Variants in ANKRD12 observed in about 807,000 individuals in gnomAD.
ANKRD12 encodes ankyrin repeat domain-containing protein 12.
A neutral mutation model predicts 183.4 loss-of-function variants in ANKRD12; 85 were observed. The ratio of observed to expected loss-of-function variants is 0.46; its 90% CI spans 0.39 to 0.56. The LOEUF is 0.56. Among genes scored for constraint, ANKRD12 ranks in the 20% least tolerant of loss-of-function variants. The probability of loss-of-function intolerance (pLI) is 0.00; values close to 1 mark genes in which losing one functional copy is unlikely to be tolerated. For synonymous variants in ANKRD12, 914 were observed against 800.2 expected, an observed-to-expected ratio of 1.14 and a Z score of -2.40; for missense variants, 2,405 against 2,357.1, an observed-to-expected ratio of 1.02 and a Z score of -0.42.
chr18:9,285,894 T>G lies in ANKRD12; in HGVS notation c.*4768T>G, dbSNP rs1074347. 80,100 of 152,080 alleles carry G rather than the reference T, an allele frequency of 0.53. 22,346 individuals carry two copies. The highest frequency in any genetic ancestry group is 0.72 in the South Asian group (3,495 of 4,834). 9.4% of individuals were successfully genotyped at this position (152,080 alleles called of 1,614,324 possible). A position where few individuals can be genotyped will look rare whatever the true frequency, so the allele number is the denominator to read the frequency against. On this transcript the variant is annotated 3_prime_UTR_variant, in exon 13 of 13. Coordinates refer to ENST00000262126, the MANE Select transcript of ANKRD12 (RefSeq NM_015208.5). ...TAATTTATTAATGAGTAGTAGTGTA[T>G]TGTACAAATTTGTTTATTCGTTCTC...
chr18:9,138,261 C>G (rs1246867954), intron 1 of ANKRD12, among the ~76,000 whole-genome samples: 2 of 152,152 alleles, frequency 1.3e-5, no homozygotes, highest in African/African-American at 2.4e-5. Context: ...GCCTATAATC[C>G]CAGCACTTTG....
intron 6 of ANKRD12, among the ~76,000 whole-genome samples, chr18:9,215,631 C>T (rs1437469342): frequency 1.3e-5 from 2 of 151,964 alleles, no homozygotes; most frequent in Non-Finnish European, 2.9e-5. Context: ...AAGAGAACTC[C>T]GATAGAATGT....
At chr18:9,249,891 T>C (rs555734531) in intron 8 of ANKRD12, 4 of 152,338 alleles carry the variant, frequency 2.6e-5, no homozygotes, top group South Asian at 2.1e-4. Context: ...TCCACTATTA[T>C]GGCTAATGTG....
chr18:9,211,449 G>A (rs2035799368), intron 5 of ANKRD12, 135 bp from the exon 6 acceptor site: 1 of 734,746 alleles, frequency 1.4e-6, no homozygotes, highest in Admixed American at 2.8e-5. Flanking sequence ...GATCATCCAA[G>A]TCAAGGTTTA....
chr18:9,243,158 A>G (rs2037757633), intron 8 of ANKRD12, among the ~76,000 whole-genome samples: 1 of 152,252 alleles, frequency 6.6e-6, no homozygotes. Flanking sequence ...AATAACAGTT[A>G]CATGTACATA....
rs142902772 is a variant in ANKRD12 at position 9,202,935 on chromosome 18, G to A, written c.236-1541G>A. Among the ~76,000 whole-genome samples, 563 of 152,174 alleles carry A rather than the reference G, an allele frequency of 3.7e-3. 5 individuals carry two copies. The highest frequency in any genetic ancestry group is 0.013 in the African/African-American group (542 of 41,522). Reference sequence around the variant, plus strand: ...TTCCAAAGGATGATTTGGATAAACTGGTAAACTACATTAATATAATTGAAA... The same window carrying A: ...TTCCAAAGGATGATTTGGATAAACTAGTAAACTACATTAATATAATTGAAA... On this transcript the variant is annotated intron_variant, in intron 3 of 12. Transcript: ENST00000262126.
intron 8 of ANKRD12, 75 bp downstream of exon 8, chr18:9,222,074 A>G: frequency 6.5e-7 from 1 of 1,531,510 alleles, no homozygotes; most frequent in Non-Finnish European, 8.9e-7. Context: ...TTCATTTGTA[A>G]TATACAAAAT....
chr18:9,152,981 T>C (rs539565111), intron 1 of ANKRD12, among the ~76,000 whole-genome samples: 116 of 152,262 alleles, frequency 7.6e-4, no homozygotes, highest in African/African-American at 2.7e-3. Context: ...TGTTACATAA[T>C]GTCCTCATGT....
intron 3 of ANKRD12, among the ~76,000 whole-genome samples, chr18:9,201,827 CTTT>C (rs200051164): frequency 7.1e-6 from 1 of 141,760 alleles, no homozygotes. Flanking sequence ...GTTTTTTTCG[CTTT>C]TTTTTTTTTT....
chr18:9,199,106 A>C (rs569721601), intron 3 of ANKRD12, among the ~76,000 whole-genome samples: 2 of 152,134 alleles, frequency 1.3e-5, no homozygotes, highest in African/African-American at 4.8e-5. Flanking sequence ...CAGATTGGCC[A>C]GCAGAGTGAG....
chr18:9,230,866 C>G lies in ANKRD12; in HGVS notation c.943+8867C>G, dbSNP rs2037004864. Among the ~76,000 whole-genome samples, 4 of 151,974 alleles carry G rather than the reference C, an allele frequency of 2.6e-5. No homozygotes were observed. The South Asian group carries it at 8.3e-4, about 32-fold the overall frequency. ...TTTTTTTAGTAGAGATGGGGTTTCA[C>G]CATGTTGGCCAGACTGGTCTTGAAC... On this transcript the variant is annotated intron_variant, in intron 8 of 12. Transcript: ENST00000262126.
At chr18:9,227,844 T>C (rs2036812748) in intron 8 of ANKRD12, among the ~76,000 whole-genome samples, 1 of 152,194 alleles carries the variant, frequency 6.6e-6, no homozygotes, top group Non-Finnish European at 1.5e-5. Context: ...CTTTGAAATA[T>C]ACATAATACT....
intron 1 of ANKRD12, among the ~76,000 whole-genome samples, chr18:9,149,793 A>C (rs4797358): frequency 2.8e-5 from 4 of 145,056 alleles, no homozygotes; most frequent in Non-Finnish European, 1.5e-5. Flanking sequence ...TATTTATTAA[A>C]TTTTATTTTT....
At chr18:9,147,339 C>A (rs1265618416) in intron 1 of ANKRD12, among the ~76,000 whole-genome samples, 2 of 151,838 alleles carry the variant, frequency 1.3e-5, no homozygotes, top group Admixed American at 6.6e-5. Flanking sequence ...AAGCTGTGAG[C>A]AATACTTAAG....
intron 9 of ANKRD12, among the ~76,000 whole-genome samples, chr18:9,261,038 T>C (rs909867229): frequency 1.3e-5 from 2 of 152,150 alleles, no homozygotes; most frequent in Non-Finnish European, 2.9e-5. Context: ...TGTTCCTTCT[T>C]GTTTATGTTT....
chr18:9,237,657 C>A (rs1379129093), intron 8 of ANKRD12, among the ~76,000 whole-genome samples: 2 of 152,112 alleles, frequency 1.3e-5, no homozygotes, highest in African/African-American at 4.8e-5. Context: ...AGTTATATCT[C>A]ATTTTTGTAA....
At position 9,282,458 on chromosome 18, in the gene ANKRD12, G is replaced by A. The variant is rs1340785196; in HGVS notation, c.*1332G>A. The A allele has an allele frequency of 3.3e-5, 5 of 152,240 alleles. No homozygotes were observed. The East Asian group carries it at 9.6e-4, about 29-fold the overall frequency. The allele number at this position is 152,240 out of a possible 1,614,324, so 9.4% of individuals were successfully genotyped here. A position where few individuals can be genotyped will look rare whatever the true frequency, so the allele number is the denominator to read the frequency against. Reference sequence around the variant, plus strand: ...TGGTATGCTGTTTTATAATAAATTAGCAATATACTTTAAAAAAAATCCAGT... The same window carrying A: ...TGGTATGCTGTTTTATAATAAATTAACAATATACTTTAAAAAAAATCCAGT... On this transcript the variant is annotated 3_prime_UTR_variant, in exon 13 of 13. Coordinates refer to ENST00000262126, the MANE Select transcript of ANKRD12 (RefSeq NM_015208.5).
chr18:9,280,839 TG>T, intron 12 of ANKRD12, 101 bp from the exon 13 acceptor site: 5 of 1,028,166 alleles, frequency 4.9e-6, no homozygotes, highest in Non-Finnish European at 7.3e-6. Flanking sequence ...TTTATGCTCC[TG>T]ATGTGTCCAT....
intron 10 of ANKRD12, among the ~76,000 whole-genome samples, chr18:9,273,161 T>C (rs1316363609): frequency 2.0e-5 from 3 of 152,178 alleles, no homozygotes; most frequent in Non-Finnish European, 4.4e-5. Context: ...AGAATATAGT[T>C]AGGACCAGAT....
Sources: allele counts gnomAD v4.1 joint callset (sites outside exome capture counted in the v4.1 genomes callset), GRCh38; gene constraint gnomAD v4.1.1; transcripts MANE v1.5; gene names NCBI Gene and HGNC (gene_info 2026-07-23, HGNC 2026-07-21).